Variants in OR14I1 observed in about 807,000 individuals in gnomAD.
OR14I1 encodes the protein olfactory receptor family 14 subfamily I member 1.
For missense variants in OR14I1, 279 were observed against 181.8 expected (o/e 1.53, Z -3.07); for synonymous variants, 118 against 71.1 (o/e 1.66, Z -3.32).
the OR14I1 span, among the ~76,000 whole-genome samples, chr1:248,694,458 A>G: frequency 1.3e-5 from 2 of 152,228 alleles, no homozygotes; most frequent in South Asian, 4.1e-4. Context: ...TTACCTTTCC[A>G]GAAATGGTCT....
downstream of OR14I1, among the ~76,000 whole-genome samples, chr1:248,680,255 C>CT (rs1661534968): frequency 6.6e-6 from 1 of 152,046 alleles, no homozygotes; most frequent in Admixed American, 6.5e-5. Context: ...GGCAGCATAT[C>CT]GAAGAATTAT....
At chr1:248,698,044 C>T in the OR14I1 span, among the ~76,000 whole-genome samples, 2 of 152,080 alleles carry the variant, frequency 1.3e-5, no homozygotes, top group Non-Finnish European at 2.9e-5. Flanking sequence ...GGCTGAGTTC[C>T]GTGAGGGTTG....
chr1:248,684,961 G>A (rs1027307870), upstream of OR14I1, among the ~76,000 whole-genome samples: 11 of 151,930 alleles, frequency 7.2e-5, no homozygotes, highest in African/African-American at 1.2e-4. Context: ...CTAAGTGCTC[G>A]TTCTTAAAAA....
At chr1:248,699,673 T>C in the OR14I1 span, among the ~76,000 whole-genome samples, 1 of 152,212 alleles carries the variant, frequency 6.6e-6, no homozygotes, top group East Asian at 1.9e-4. Context: ...AGCTCTGTGA[T>C]GGAAAACAGT....
upstream of OR14I1, among the ~76,000 whole-genome samples, chr1:248,686,816 A>AT (rs1291996003): frequency 1.7e-5 from 2 of 119,548 alleles, no homozygotes; most frequent in African/African-American, 5.8e-5. Flanking sequence ...GTCTGGACCA[A>AT]TGATGATAAA....
At chr1:248,695,404 T>G in the OR14I1 span, among the ~76,000 whole-genome samples, 2 of 151,940 alleles carry the variant, frequency 1.3e-5, no homozygotes, top group Non-Finnish European at 2.9e-5. Context: ...CAGCTAATTT[T>G]TTGTGTTTTT....
At chr1:248,699,108 T>A in the OR14I1 span, 1 of 152,220 alleles carries the variant, frequency 6.6e-6, no homozygotes, top group African/African-American at 2.4e-5. Context: ...ATTTTTTTGT[T>A]AATGTATTCT....
chr1:248,679,974 T>C (rs143805778), downstream of OR14I1, among the ~76,000 whole-genome samples: 1,252 of 152,316 alleles, frequency 8.2e-3, 26 homozygotes, highest in African/African-American at 0.027. Context: ...TAAACAATAT[T>C]TAATGTTTTA....
upstream of OR14I1, among the ~76,000 whole-genome samples, chr1:248,683,333 C>T (rs572419628): frequency 3.7e-4 from 56 of 152,154 alleles, 2 homozygotes; most frequent in South Asian, 0.011. Flanking sequence ...ATTAGTTTTT[C>T]TGCATCAAAG....
the OR14I1 span, among the ~76,000 whole-genome samples, chr1:248,688,135 T>C: frequency 1.2e-4 from 18 of 152,250 alleles, no homozygotes; most frequent in Non-Finnish European, 2.1e-4. Flanking sequence ...TATTAAACTC[T>C]AGAGAAGACT....
upstream of OR14I1, among the ~76,000 whole-genome samples, chr1:248,686,069 T>C (rs937001166): frequency 4.6e-5 from 7 of 152,246 alleles, no homozygotes; most frequent in East Asian, 1.4e-3. Context: ...ATGTGCATCA[T>C]TGATAGATAT....
chr1:248,682,926 T>C (rs567306808), upstream of OR14I1, among the ~76,000 whole-genome samples: 12 of 152,242 alleles, frequency 7.9e-5, no homozygotes, highest in Non-Finnish European at 1.6e-4. Context: ...TTTGTGTCAA[T>C]GTGCAAGACA....
chr1:248,695,946 T>C, the OR14I1 span, among the ~76,000 whole-genome samples: 1 of 152,238 alleles, frequency 6.6e-6, no homozygotes, highest in Admixed American at 6.5e-5. Context: ...ATCTGGATCC[T>C]GGTCTCCAGC....
chr1:248,695,291 T>C, the OR14I1 span, among the ~76,000 whole-genome samples: 25,086 of 141,524 alleles, frequency 0.18, 2,556 homozygotes, highest in African/African-American at 0.3. Context: ...TGGAGTGCAG[T>C]GGTGCAATCT....
At chr1:248,679,158 T>C (rs141239439), downstream of OR14I1, among the ~76,000 whole-genome samples, 340 of 152,280 alleles carry the variant, frequency 2.2e-3, 3 homozygotes, top group African/African-American at 7.5e-3. Flanking sequence ...AAGAAAAATA[T>C]GAATGACACA....
downstream of OR14I1, among the ~76,000 whole-genome samples, chr1:248,678,689 T>G (rs61834344): frequency 0.15 from 22,203 of 152,162 alleles, 1,739 homozygotes; most frequent in African/African-American, 0.19. Flanking sequence ...TAAAGTATCA[T>G]TCAAAAATAA....
At chr1:248,700,909 C>T in the OR14I1 span, among the ~76,000 whole-genome samples, 2 of 152,078 alleles carry the variant, frequency 1.3e-5, no homozygotes, top group African/African-American at 4.8e-5. Context: ...CAAAGATTTA[C>T]TATATTATTA....
chr1:248,692,128 A>C, the OR14I1 span: 1 of 152,438 alleles, frequency 6.6e-6, no homozygotes. Context: ...AGACGGAGCG[A>C]CGGGGCCGGC....
At chr1:248,685,151 G>A (rs1349942714), upstream of OR14I1, among the ~76,000 whole-genome samples, 1 of 151,422 alleles carries the variant, frequency 6.6e-6, no homozygotes, top group Non-Finnish European at 1.5e-5. Context: ...TGTTTTCTTT[G>A]ACATTATAGA....
Sources: gnomAD v4.1 joint callset for allele counts (sites outside exome capture counted in the v4.1 genomes callset) on GRCh38, gnomAD v4.1.1 for gene constraint, MANE v1.5 for transcripts, NCBI Gene and HGNC (gene_info 2026-07-23, HGNC 2026-07-21) for gene names.